Variants in ELOC observed in about 807,000 individuals in gnomAD.
ELOC encodes elongin C.
For missense variants in ELOC, 38 were observed against 139.0 expected (o/e 0.27, Z 3.65); for synonymous variants, 40 against 51.3 (o/e 0.78, Z 0.94).
chr8:73,950,244 A>G (rs1015167549), intron 3 of ELOC, among the ~76,000 whole-genome samples: 1 of 152,246 alleles, frequency 6.6e-6, no homozygotes, highest in Admixed American at 6.5e-5. Context: ...TCTTTCTGAC[A>G]TAAAAATGAA....
intron 3 of ELOC, 165 bp downstream of exon 3, chr8:73,955,746 C>A: frequency 1.2e-6 from 1 of 829,888 alleles, no homozygotes. Context: ...GCCTGGGCAA[C>A]AGAATGAGAC....
Position 73,956,041 on chromosome 8 carries a change from T to C in ELOC, c.18A>G (p.Lys6=), listed in dbSNP as rs867730792. 6.2e-7 allele frequency: 1 copy of C among 1,612,556 alleles called. No homozygotes were observed. The part of the protein sequence containing the change: MDGEE[K]TYGGCEGPDA... Reference sequence around the variant, plus strand: ...CAGGTCCTTCACAGCCACCATAGGTTTTCTCCTCTCCATCTAAAGTAAAGT... The same window carrying C: ...CAGGTCCTTCACAGCCACCATAGGTCTTCTCCTCTCCATCTAAAGTAAAGT... The change falls in exon 3 of 4, where the codon AAA becomes AAG. Residue 6 remains lysine, a synonymous_variant. Transcript: ENST00000520242.
intron 3 of ELOC, among the ~76,000 whole-genome samples, chr8:73,953,150 C>T (rs1444891450): frequency 6.6e-6 from 1 of 151,788 alleles, no homozygotes; most frequent in Non-Finnish European, 1.5e-5. Flanking sequence ...ACCAAAAATA[C>T]AAAAAATTAG....
chr8:73,970,852 T>TAA (rs1346827077), intron 1 of ELOC, among the ~76,000 whole-genome samples: 1 of 123,196 alleles, frequency 8.1e-6, no homozygotes, highest in African/African-American at 3.7e-5. Context: ...CCATCTCTAC[T>TAA]AAAAAACAAA....
At chr8:73,968,623 T>C (rs1202463526) in intron 1 of ELOC, among the ~76,000 whole-genome samples, 2 of 152,252 alleles carry the variant, frequency 1.3e-5, no homozygotes, top group African/African-American at 2.4e-5. Context: ...CCTGTGTTTA[T>C]ATATTTTGTC....
chr8:73,970,169 G>C (rs978537186), intron 1 of ELOC, among the ~76,000 whole-genome samples: 1 of 152,200 alleles, frequency 6.6e-6, no homozygotes, highest in African/African-American at 2.4e-5. Context: ...TTGAGCCCAG[G>C]AGGTTGAGGC....
chr8:73,959,050 T>C (rs139851315), intron 2 of ELOC, among the ~76,000 whole-genome samples: 2 of 152,268 alleles, frequency 1.3e-5, no homozygotes, highest in African/African-American at 4.8e-5. Flanking sequence ...AAAGGTACAG[T>C]AGAAATATAG....
intron 3 of ELOC, chr8:73,955,425 GGGAAAC>G: frequency 6.5e-6 from 1 of 154,422 alleles, no homozygotes; most frequent in Non-Finnish European, 1.4e-5. Flanking sequence ...GGCCAACATA[GGGAAAC>G]CCCGTCTCTA....
At chr8:73,951,253 T>A (rs762213980) in intron 3 of ELOC, among the ~76,000 whole-genome samples, 1 of 151,832 alleles carries the variant, frequency 6.6e-6, no homozygotes, top group African/African-American at 2.4e-5. Context: ...GCCTGTGAGA[T>A]AGAGCGAAAG....
intron 2 of ELOC, among the ~76,000 whole-genome samples, chr8:73,959,035 A>G (rs1489888506): frequency 3.3e-5 from 5 of 152,216 alleles, no homozygotes; most frequent in Admixed American, 6.5e-5. Flanking sequence ...GTATCTAAAC[A>G]TAGAAAAGGT....
At chr8:73,968,734 T>A (rs1209790795) in intron 1 of ELOC, among the ~76,000 whole-genome samples, 1 of 152,230 alleles carries the variant, frequency 6.6e-6, no homozygotes, top group Non-Finnish European at 1.5e-5. Flanking sequence ...AACTAAAGAC[T>A]CTGCTATGGC....
At chr8:73,970,299 CTAAAAAATCTACCAAA>C (rs1320515087) in intron 1 of ELOC, among the ~76,000 whole-genome samples, 1 of 152,038 alleles carries the variant, frequency 6.6e-6, no homozygotes, top group Non-Finnish European at 1.5e-5. Flanking sequence ...TTTTCCAGTG[CTAAAAAATCTACCAAA>C]AAAACCAAGA....
intron 1 of ELOC, among the ~76,000 whole-genome samples, chr8:73,960,947 A>AAAATAAAT (rs34735828): frequency 1.3e-5 from 2 of 150,986 alleles, no homozygotes; most frequent in South Asian, 2.1e-4. Flanking sequence ...TCCTATCTCT[A>AAAATAAAT]AAATAAATAA....
intron 1 of ELOC, among the ~76,000 whole-genome samples, chr8:73,966,978 A>T (rs1286604295): frequency 6.6e-6 from 1 of 152,136 alleles, no homozygotes; most frequent in Non-Finnish European, 1.5e-5. Context: ...GAACTAACCT[A>T]ATCTTTCCTT....
intron 2 of ELOC, 117 bp from the exon 3 acceptor site, chr8:73,956,171 A>C (rs1586603220): frequency 2.2e-6 from 2 of 928,794 alleles, no homozygotes; most frequent in East Asian, 5.1e-5. Context: ...CAGGCCAATC[A>C]CCTGAGGTCA....
intron 1 of ELOC, among the ~76,000 whole-genome samples, chr8:73,971,032 C>CAAAAAAAAAAAAAAAAAAAAAAAAAA (rs67188912): frequency 3.2e-5 from 2 of 62,036 alleles, no homozygotes; most frequent in African/African-American, 6.5e-5. Flanking sequence ...GACTCCGTCT[C>CAAAAAAAAAAAAAAAAAAAAAAAAAA]AAAAAAAAAA....
At chr8:73,969,331 G>C (rs550470264) in intron 1 of ELOC, among the ~76,000 whole-genome samples, 30 of 152,088 alleles carry the variant, frequency 2.0e-4, no homozygotes, top group African/African-American at 7.0e-4. Flanking sequence ...TTTTGTTCCT[G>C]GGAAGAAAGC....
intron 1 of ELOC, chr8:73,969,685 A>G (rs1815227604): frequency 6.6e-6 from 1 of 152,242 alleles, no homozygotes; most frequent in South Asian, 2.1e-4. Flanking sequence ...TACCAAAATT[A>G]GACACCCCAT....
intron 1 of ELOC, among the ~76,000 whole-genome samples, chr8:73,960,212 G>A (rs1168608042): frequency 6.6e-6 from 1 of 152,160 alleles, no homozygotes; most frequent in Non-Finnish European, 1.5e-5. Context: ...GCCATACTGA[G>A]GTGTTTTAAG....
Sources: allele counts gnomAD v4.1 joint callset (sites outside exome capture counted in the v4.1 genomes callset), GRCh38; gene constraint gnomAD v4.1.1; transcripts MANE v1.5; gene names NCBI Gene and HGNC (gene_info 2026-07-23, HGNC 2026-07-21).